Variants in FGF14 observed in about 807,000 individuals in gnomAD.
FGF14 encodes fibroblast growth factor homologous factor 4.
A neutral mutation model predicts 25.5 loss-of-function variants in FGF14; 5 were observed. That is an observed-to-expected ratio of 0.20 (90% CI 0.10 to 0.41). The LOEUF is 0.41. Among genes scored for constraint, FGF14 ranks in the 10% least tolerant of loss-of-function variants. The pLI, the probability that FGF14 is intolerant of heterozygous loss-of-function variation, is 1.00. For synonymous variants in FGF14, 138 were observed against 118.3 expected (o/e 1.17, Z -1.08); for missense variants, 222 against 320.1 (o/e 0.69, Z 2.34).
At chr13:102,187,539 T>C (rs1242778049) in intron 1 of FGF14, among the ~76,000 whole-genome samples, 1 of 152,218 alleles carries the variant, frequency 6.6e-6, no homozygotes, top group Non-Finnish European at 1.5e-5. Flanking sequence ...TTGGGAGCTC[T>C]GGCATTTAAT....
chr13:102,092,761 G>A (rs1055569555), intron 1 of FGF14, among the ~76,000 whole-genome samples: 1 of 152,062 alleles, frequency 6.6e-6, no homozygotes, highest in East Asian at 1.9e-4. Context: ...TAGATACACA[G>A]GGTGAACACA....
chr13:102,395,986 C>G (rs915631274), intron 1 of FGF14, among the ~76,000 whole-genome samples: 4 of 152,190 alleles, frequency 2.6e-5, no homozygotes, highest in Non-Finnish European at 4.4e-5. Flanking sequence ...GGGAAAACAT[C>G]AGGACATAGT....
chr13:102,367,932 C>T (rs1258961862), intron 1 of FGF14: 1 of 152,156 alleles, frequency 6.6e-6, no homozygotes, highest in East Asian at 1.9e-4. Context: ...GCCTAAGTTC[C>T]GGGCTGAGGC....
intron 1 of FGF14, among the ~76,000 whole-genome samples, chr13:102,094,819 C>A (rs563951122): frequency 7.2e-5 from 11 of 152,200 alleles, no homozygotes; most frequent in African/African-American, 2.4e-4. Flanking sequence ...TTTTAAAGTT[C>A]TTTTAATACC....
chr13:102,264,010 CCT>C (rs2052854434), intron 1 of FGF14, among the ~76,000 whole-genome samples: 1 of 58,770 alleles, frequency 1.7e-5, no homozygotes, highest in African/African-American at 1.6e-4. Context: ...TTTTCTCTTT[CCT>C]TTTTTTTTTT....
At chr13:101,794,817 C>T (rs141241450) in intron 3 of FGF14, among the ~76,000 whole-genome samples, 115 of 152,056 alleles carry the variant, frequency 7.6e-4, no homozygotes, top group African/African-American at 2.6e-3. Context: ...GGAAGTTTAT[C>T]GAAACAGATG....
chr13:102,177,015 C>G (rs182672780), intron 1 of FGF14, among the ~76,000 whole-genome samples: 10 of 152,232 alleles, frequency 6.6e-5, no homozygotes, highest in Non-Finnish European at 1.5e-4. Flanking sequence ...AAGTCCTTTA[C>G]TACTTCATAA....
intron 1 of FGF14, among the ~76,000 whole-genome samples, chr13:102,101,213 C>T (rs2044648244): frequency 6.6e-6 from 1 of 152,142 alleles, no homozygotes. Context: ...CTTTACTTAT[C>T]TCCTCATATT....
intron 3 of FGF14, among the ~76,000 whole-genome samples, chr13:101,759,129 A>G (rs770067855): frequency 7.2e-5 from 11 of 152,256 alleles, no homozygotes; most frequent in South Asian, 2.1e-4. Flanking sequence ...CTGCATCCAA[A>G]CACACGTTGA....
At chr13:101,815,394 C>T (rs879597040) in intron 3 of FGF14, among the ~76,000 whole-genome samples, 9 of 152,220 alleles carry the variant, frequency 5.9e-5, no homozygotes, top group Admixed American at 5.9e-4. Context: ...CAATATGGCA[C>T]CTCCAAAGGG....
rs1281907016 is a variant in FGF14 at position 101,719,252 on chromosome 13, TAAC to T, written c.*3576_*3578del. ...CTGATATTGTTCATCCTGATAAAAA[TAAC>T]AACTTTTAGTGCTTAAAGCATTAAT... On this transcript the variant is annotated 3_prime_UTR_variant, in exon 5 of 5. Coordinates refer to ENST00000376143, the MANE Select transcript of FGF14 (RefSeq NM_004115.4). 13 of 152,204 alleles carry T rather than the reference TAAC, an allele frequency of 8.5e-5. No individual in the cohort carries two copies. The highest frequency in any genetic ancestry group is 5.9e-4 in the Admixed American group (9 of 15,272). The allele number at this position is 152,204 out of a possible 1,614,324, so 9.4% of individuals were successfully genotyped here.
In FGF14 at chr13:101,722,031, C is replaced by T. The variant is rs1451433662; in HGVS notation, c.*800G>A. 3 of 152,160 alleles carry T rather than the reference C, an allele frequency of 2.0e-5. No homozygotes were observed. The highest frequency in any genetic ancestry group is 6.6e-5 in the Admixed American group (1 of 15,260). 9.4% of individuals were successfully genotyped at this position (152,160 alleles called of 1,614,324 possible). A position where few individuals can be genotyped will look rare whatever the true frequency, so the allele number is the denominator to read the frequency against. ...AAGCTTGTGATATGTATAAAACACACACACACAAAGAAACTAGAGGGGGAT... is the reference window on the plus strand; with the variant it reads ...AAGCTTGTGATATGTATAAAACACATACACACAAAGAAACTAGAGGGGGAT... On this transcript the variant is annotated 3_prime_UTR_variant, in exon 5 of 5. Transcript: ENST00000376143.
chr13:101,958,798 G>T (rs1016359774), intron 1 of FGF14, among the ~76,000 whole-genome samples: 1 of 152,138 alleles, frequency 6.6e-6, no homozygotes, highest in Non-Finnish European at 1.5e-5. Flanking sequence ...ATTTTATAAC[G>T]TTGCCTAAGC....
chr13:101,929,740 T>C (rs1445221931), intron 1 of FGF14, among the ~76,000 whole-genome samples: 2 of 152,240 alleles, frequency 1.3e-5, no homozygotes, highest in Admixed American at 6.5e-5. Context: ...AATATATACA[T>C]ATATGCACAT....
chr13:102,150,679 C>G (rs1442358000), intron 1 of FGF14, among the ~76,000 whole-genome samples: 1 of 152,170 alleles, frequency 6.6e-6, no homozygotes, highest in African/African-American at 2.4e-5. Context: ...ACACTCTTGC[C>G]TGGAATTCCT....
chr13:102,250,807 T>C (rs779621413), intron 1 of FGF14, among the ~76,000 whole-genome samples: 2 of 152,194 alleles, frequency 1.3e-5, no homozygotes, highest in Non-Finnish European at 2.9e-5. Context: ...TAAATCTCTA[T>C]CCCGTAAAAC....
chr13:102,387,743 GT>G (rs934685357), intron 1 of FGF14, among the ~76,000 whole-genome samples: 1 of 151,698 alleles, frequency 6.6e-6, no homozygotes, highest in African/African-American at 2.4e-5. Context: ...GAGTTTTTGG[GT>G]TTTTTTGAGA....
At chr13:101,772,339 T>C (rs1487369165) in intron 3 of FGF14, among the ~76,000 whole-genome samples, 1 of 152,094 alleles carries the variant, frequency 6.6e-6, no homozygotes, top group African/African-American at 2.4e-5. Flanking sequence ...TAGCAAATCG[T>C]CTCTGAATGG....
At chr13:101,968,330 C>T (rs1436311272) in intron 1 of FGF14, among the ~76,000 whole-genome samples, 1 of 151,936 alleles carries the variant, frequency 6.6e-6, no homozygotes, top group Non-Finnish European at 1.5e-5. Context: ...AATATTTTAC[C>T]TGTTGGATGT....
Sources: gnomAD v4.1 joint callset for allele counts (sites outside exome capture counted in the v4.1 genomes callset) on GRCh38, gnomAD v4.1.1 for gene constraint, MANE v1.5 for transcripts, NCBI Gene and HGNC (gene_info 2026-07-23, HGNC 2026-07-21) for gene names.